The following GALC variants were observed in gnomAD, a reference collection of about 807,000 sequenced individuals.
GALC encodes galactocerebrosidase.
A neutral mutation model predicts 91.8 loss-of-function variants in GALC; 77 were observed. The observed-to-expected ratio is 0.84, with a 90% CI of 0.70 to 1.01. The LOEUF (loss-of-function observed/expected upper bound fraction) is 1.01. GALC is among the 50% of genes least tolerant of loss of function. The pLI is 0.00. For missense variants in GALC, 882 were observed against 855.9 expected (o/e 1.03, Z -0.38); for synonymous variants, 357 against 306.7 (o/e 1.16, Z -1.71).
At chr14:87,936,283 T>C (rs946575707) in intron 16 of GALC, among the ~76,000 whole-genome samples, 1 of 152,064 alleles carries the variant, frequency 6.6e-6, no homozygotes, top group African/African-American at 2.4e-5. Context: ...CTCTATTTTT[T>C]CTTCATAATC....
chr14:87,942,929 A>G (rs1315866039), intron 14 of GALC, among the ~76,000 whole-genome samples: 3 of 151,994 alleles, frequency 2.0e-5, no homozygotes, highest in Admixed American at 2.0e-4. Flanking sequence ...ACTGGCAATC[A>G]ACACTGGTAC....
intron 10 of GALC, chr14:87,952,437 A>C (rs1279982743): frequency 2.2e-6 from 1 of 452,548 alleles, no homozygotes; most frequent in Non-Finnish European, 4.1e-6. Context: ...GTTTTGGTGA[A>C]AAGAAAAAAG....
intron 3 of GALC, 110 bp downstream of exon 3, chr14:87,988,034 A>G (rs1887045453): frequency 1.2e-6 from 1 of 825,816 alleles, no homozygotes; most frequent in African/African-American, 1.7e-5. Flanking sequence ...AGCAACAATC[A>G]ATCTCAAAAG....
chr14:87,968,582 C>A, intron 7 of GALC, 92 bp from the exon 8 acceptor site: 1 of 1,245,182 alleles, frequency 8.0e-7, no homozygotes, highest in Non-Finnish European at 1.2e-6. Context: ...AAATACGAGT[C>A]TTCTCCAAGG....
chr14:87,953,808 C>T, intron 10 of GALC: 2 of 1,607,314 alleles, frequency 1.2e-6, no homozygotes, highest in African/African-American at 1.3e-5. Context: ...TTCTAAAAGC[C>T]AGAAGTATGA....
At chr14:87,942,127 C>A (rs886750686) in intron 14 of GALC, among the ~76,000 whole-genome samples, 22 of 151,974 alleles carry the variant, frequency 1.4e-4, no homozygotes, top group Non-Finnish European at 1.9e-4. Context: ...CTTCTCACAC[C>A]TGAACAGCAC....
intron 13 of GALC, among the ~76,000 whole-genome samples, chr14:87,945,990 T>C (rs1164635600): frequency 6.6e-6 from 1 of 152,054 alleles, no homozygotes; most frequent in Non-Finnish European, 1.5e-5. Flanking sequence ...GGAAAGGTCA[T>C]GAGTTTTGAA....
chr14:87,979,034 C>CT (rs202018215), intron 6 of GALC, among the ~76,000 whole-genome samples: 9 of 151,410 alleles, frequency 5.9e-5, no homozygotes, highest in South Asian at 2.1e-4. Flanking sequence ...ATAGGCATTT[C>CT]TTTTTTTTTC....
At chr14:87,979,586 C>A (rs1398100683) in intron 6 of GALC, among the ~76,000 whole-genome samples, 1 of 152,018 alleles carries the variant, frequency 6.6e-6, no homozygotes, top group Non-Finnish European at 1.5e-5. Context: ...TAAAAAAGTT[C>A]AAATAACATA....
intron 7 of GALC, among the ~76,000 whole-genome samples, chr14:87,974,473 C>A (rs2087582751): frequency 6.6e-6 from 1 of 152,130 alleles, no homozygotes; most frequent in South Asian, 2.1e-4. Flanking sequence ...AAAGCAGAAG[C>A]TTCCACACAG....
chr14:87,976,785 T>C lies in GALC; in HGVS notation c.622-297A>G, dbSNP rs1367704188. The C allele has an allele frequency of 1.4e-5, 5 of 355,170 alleles. 1 individual carries two copies. Among genetic ancestry groups the C allele is most frequent in the Non-Finnish European group, 2.7e-5 (5 of 183,206 alleles). The allele number at this position is 355,170 out of a possible 1,614,324, so 22.0% of individuals were successfully genotyped here. ...ACGCGCCACCACGCCTGGCTAATTT[T>C]TGTATTTTTTAGCAGAGACAGGGTT... On this transcript the variant is annotated intron_variant, in intron 6 of 16. Coordinates refer to ENST00000261304, the MANE Select transcript of GALC (RefSeq NM_000153.4).
chr14:87,983,057 C>T lies in GALC; in HGVS notation c.583-814G>A, dbSNP rs751692450. 4.1e-4 allele frequency among the ~76,000 whole-genome samples: 62 copies of T among 152,202 alleles called. 1 individual carries two copies. Among genetic ancestry groups the T allele is most frequent in the East Asian group, 9.7e-4 (5 of 5,170 alleles). ...TGTCCTGACATTTAAGAAAGTTCTC[C>T]GGCCAGGCGTGGTGGCTCATTCCTG... On this transcript the variant is annotated intron_variant, in intron 5 of 16. Coordinates refer to ENST00000261304, the MANE Select transcript of GALC (RefSeq NM_000153.4).
At chr14:87,976,734 C>T in intron 6 of GALC, 1 of 411,874 alleles carries the variant, frequency 2.4e-6, no homozygotes, top group East Asian at 5.5e-5. Context: ...CCTGCCTCAG[C>T]CTCCCAAGTA....
At chr14:87,963,963 A>G (rs1036700475) in intron 9 of GALC, among the ~76,000 whole-genome samples, 3 of 152,184 alleles carry the variant, frequency 2.0e-5, no homozygotes, top group Non-Finnish European at 4.4e-5. Flanking sequence ...CTGAAAATGC[A>G]CTAAGCAATA....
At chr14:87,966,072 A>C (rs1595215746) in intron 8 of GALC, among the ~76,000 whole-genome samples, 2 of 152,282 alleles carry the variant, frequency 1.3e-5, no homozygotes, top group Admixed American at 1.3e-4. Flanking sequence ...AAAGTTTTAC[A>C]ATTGAGAATT....
At chr14:87,976,658 A>G (rs1459299740) in intron 6 of GALC, 170 bp from the exon 7 acceptor site, 1 of 584,044 alleles carries the variant, frequency 1.7e-6, no homozygotes, top group Non-Finnish European at 3.0e-6. Context: ...CTCGTCGCCC[A>G]GGCTGGAGTG....
chr14:87,979,918 C>T (rs79175409), intron 6 of GALC, among the ~76,000 whole-genome samples: 17,185 of 152,114 alleles, frequency 0.11, 1,140 homozygotes, highest in Non-Finnish European at 0.16. Flanking sequence ...CCCTGTGCTC[C>T]AATCTTATTA....
At chr14:87,954,569 A>T in intron 10 of GALC, 1 of 1,567,198 alleles carries the variant, frequency 6.4e-7, no homozygotes. Context: ...TGTAAGGGCA[A>T]TTACATTTAA....
chr14:87,979,957 C>T (rs1886666727), intron 6 of GALC, among the ~76,000 whole-genome samples: 2 of 152,142 alleles, frequency 1.3e-5, no homozygotes. Flanking sequence ...CTCCCCCACC[C>T]AATCTGCTCC....
Sources: gnomAD v4.1 joint callset for allele counts (sites outside exome capture counted in the v4.1 genomes callset) on GRCh38, gnomAD v4.1.1 for gene constraint, MANE v1.5 for transcripts, NCBI Gene and HGNC (gene_info 2026-07-23, HGNC 2026-07-21) for gene names.